The following NPY2R variants were observed in gnomAD, a reference collection of about 807,000 sequenced individuals.
NPY2R encodes neuropeptide Y receptor type 2.
A neutral mutation model predicts 22.3 loss-of-function variants in NPY2R; 17 were observed. That is an observed-to-expected ratio of 0.76 (90% CI 0.52 to 1.14). The LOEUF is 1.14. Ranked by LOEUF, NPY2R falls within the 50% of genes most tolerant of loss-of-function variation. The probability of loss-of-function intolerance (pLI) is 0.00; values close to 1 mark genes in which losing one functional copy is unlikely to be tolerated. For missense variants in NPY2R, 424 were observed against 467.9 expected (o/e 0.91, Z 0.87); for synonymous variants, 209 against 183.4 (o/e 1.14, Z -1.13).
the NPY2R span, among the ~76,000 whole-genome samples, chr4:155,173,982 C>T: frequency 3.3e-3 from 504 of 152,026 alleles, 3 homozygotes; most frequent in African/African-American, 0.011. Flanking sequence ...TAATAAACAG[C>T]ATTTAAACTG....
upstream of NPY2R, among the ~76,000 whole-genome samples, chr4:155,205,525 C>T (rs1260898714): frequency 1.3e-5 from 2 of 152,136 alleles, no homozygotes. Context: ...GAAATTTCAT[C>T]TAGCTATCTA....
chr4:155,193,396 A>G, the NPY2R span, among the ~76,000 whole-genome samples: 2 of 151,904 alleles, frequency 1.3e-5, no homozygotes, highest in Non-Finnish European at 2.9e-5. Context: ...GGCCACAGCT[A>G]TCTCTGTTAG....
the NPY2R span, among the ~76,000 whole-genome samples, chr4:155,182,051 A>G: frequency 1.3e-5 from 2 of 152,194 alleles, no homozygotes; most frequent in South Asian, 4.1e-4. Flanking sequence ...CTAAAGGAAT[A>G]AGCAGAATGG....
chr4:155,195,242 GTCTC>G, the NPY2R span, among the ~76,000 whole-genome samples: 1 of 151,698 alleles, frequency 6.6e-6, no homozygotes, highest in Non-Finnish European at 1.5e-5. Context: ...CTCTCTCTCT[GTCTC>G]TCTCTCTCCT....
chr4:155,202,548 G>T, the NPY2R span, among the ~76,000 whole-genome samples: 1 of 152,026 alleles, frequency 6.6e-6, no homozygotes, highest in African/African-American at 2.4e-5. Context: ...TAATTCCTTT[G>T]TATAATAAAA....
At chr4:155,212,219 C>A (rs1051633726) in intron 1 of NPY2R, among the ~76,000 whole-genome samples, 9 of 152,100 alleles carry the variant, frequency 5.9e-5, no homozygotes, top group African/African-American at 2.2e-4. Flanking sequence ...ATAAAAGAAG[C>A]TCTGAATGAA....
the NPY2R span, among the ~76,000 whole-genome samples, chr4:155,179,238 T>G: frequency 7.1e-6 from 1 of 140,008 alleles, no homozygotes; most frequent in African/African-American, 2.7e-5. Context: ...TTATTTCTGT[T>G]TATGTCTGTT....
the NPY2R span, among the ~76,000 whole-genome samples, chr4:155,194,027 CT>C: frequency 2.6e-5 from 4 of 151,870 alleles, no homozygotes; most frequent in Non-Finnish European, 5.9e-5. Context: ...GAAATTTAAC[CT>C]GCTTAGCATG....
chr4:155,210,052 TC>T (rs1389284180), intron 1 of NPY2R, among the ~76,000 whole-genome samples: 2 of 152,218 alleles, frequency 1.3e-5, no homozygotes, highest in Non-Finnish European at 1.5e-5. Flanking sequence ...CAGTAAAAGT[TC>T]TCTTTAAATG....
At chr4:155,204,107 T>C (rs547194085), upstream of NPY2R, among the ~76,000 whole-genome samples, 3 of 152,136 alleles carry the variant, frequency 2.0e-5, no homozygotes, top group Admixed American at 1.3e-4. Context: ...CCAGCGGAAC[T>C]GCACCACTTT....
the NPY2R span, among the ~76,000 whole-genome samples, chr4:155,174,484 A>ATATATATATATATATT: frequency 3.4e-4 from 36 of 106,054 alleles, no homozygotes; most frequent in Middle Eastern, 4.4e-3. Flanking sequence ...ATATATATAT[A>ATATATATATATATATT]TTTTTTTTTT....
At chr4:155,210,807 G>C (rs997267569) in intron 1 of NPY2R, among the ~76,000 whole-genome samples, 1 of 152,144 alleles carries the variant, frequency 6.6e-6, no homozygotes, top group African/African-American at 2.4e-5. Context: ...TGAGTGGTGA[G>C]AGACAGAGAG....
rs1288179412 is a variant in NPY2R, at chr4:155,216,941, G to A, written c.*1856G>A. On this transcript the variant is annotated 3_prime_UTR_variant, in exon 2 of 2. Coordinates refer to ENST00000329476, the MANE Select transcript of NPY2R (RefSeq NM_000910.4). Reference sequence around the variant, plus strand: ...AAATGTATATGCTACTGTGTTACATGTTGTATTAGTAAATTATTAGAATCC... The same window carrying A: ...AAATGTATATGCTACTGTGTTACATATTGTATTAGTAAATTATTAGAATCC... 1 of 166,958 alleles carries A rather than the reference G, an allele frequency of 6.0e-6. No individual in the cohort carries two copies. Among genetic ancestry groups the A allele is most frequent in the Non-Finnish European group, 1.5e-5 (1 of 68,100 alleles). The allele number at this position is 166,958 out of a possible 1,614,324, so 10.3% of individuals were successfully genotyped here.
In NPY2R at chr4:155,215,332, A is replaced by G. The variant is rs1273626083; in HGVS notation, c.*247A>G. 6 of 577,778 alleles carry G rather than the reference A, an allele frequency of 1.0e-5. No individual in the cohort carries two copies. Among genetic ancestry groups the G allele is most frequent in the Non-Finnish European group, 1.9e-5 (6 of 314,936 alleles). The allele number at this position is 577,778 out of a possible 1,614,324, so 35.8% of individuals were successfully genotyped here. A position where few individuals can be genotyped will look rare whatever the true frequency, so the allele number is the denominator to read the frequency against. ...GGGTAGTAGGTTGCATTATGAGTAA[A>G]AGCAGAGAGAAGTACTTTTGATTAT... On this transcript the variant is annotated 3_prime_UTR_variant, in exon 2 of 2. Coordinates refer to ENST00000329476, the MANE Select transcript of NPY2R (RefSeq NM_000910.4).
the NPY2R span, among the ~76,000 whole-genome samples, chr4:155,174,484 A>ATTTT: frequency 1.4e-3 from 149 of 106,046 alleles, 2 homozygotes; most frequent in East Asian, 6.3e-3. Context: ...ATATATATAT[A>ATTTT]TTTTTTTTTT....
intron 1 of NPY2R, among the ~76,000 whole-genome samples, chr4:155,212,351 T>C (rs916973449): frequency 2.0e-5 from 3 of 152,202 alleles, no homozygotes; most frequent in Admixed American, 6.5e-5. Flanking sequence ...ATCGTAATTG[T>C]TTCAAACAAT....
chr4:155,184,314 A>G, the NPY2R span, among the ~76,000 whole-genome samples: 12 of 152,190 alleles, frequency 7.9e-5, no homozygotes, highest in Non-Finnish European at 1.5e-4. Context: ...TTTACCCTGA[A>G]AATCCAAAGT....
intron 1 of NPY2R, among the ~76,000 whole-genome samples, chr4:155,213,587 A>T (rs1209326462): frequency 6.6e-6 from 1 of 152,236 alleles, no homozygotes; most frequent in Non-Finnish European, 1.5e-5. Context: ...CTTAAAATGA[A>T]ATTAATCCAT....
chr4:155,180,823 T>A, the NPY2R span, among the ~76,000 whole-genome samples: 1 of 151,628 alleles, frequency 6.6e-6, no homozygotes, highest in Non-Finnish European at 1.5e-5. Flanking sequence ...TTAACATTTT[T>A]ATTTATATTT....
Sources: gnomAD v4.1 joint callset for allele counts (sites outside exome capture counted in the v4.1 genomes callset) on GRCh38, gnomAD v4.1.1 for gene constraint, MANE v1.5 for transcripts, NCBI Gene and HGNC (gene_info 2026-07-23, HGNC 2026-07-21) for gene names.